Variants in ZBTB38 observed in about 807,000 individuals in gnomAD.
ZBTB38 encodes zinc finger and BTB domain containing 38.
In ZBTB38, 20 loss-of-function variants were observed where a neutral mutation model predicts 76.8. The ratio of observed to expected loss-of-function variants is 0.26; its 90% CI spans 0.18 to 0.38. ZBTB38 has a LOEUF of 0.38. Among genes scored for constraint, ZBTB38 ranks in the 10% least tolerant of loss-of-function variants. ZBTB38 has a pLI of 1.00. For missense variants in ZBTB38, 1,082 were observed against 1,482.3 expected, an observed-to-expected ratio of 0.73 and a Z score of 4.43; for synonymous variants, 504 against 544.2, an observed-to-expected ratio of 0.93 and a Z score of 1.03.
intron 2 of ZBTB38, among the ~76,000 whole-genome samples, chr3:141,380,604 A>G (rs1946069508): frequency 6.6e-6 from 1 of 152,212 alleles, no homozygotes; most frequent in Admixed American, 6.5e-5. Flanking sequence ...GAGCCTCTCC[A>G]TGGTGTTAGG....
At position 141,443,337 on chromosome 3, in the gene ZBTB38, C is replaced by T. The variant is rs142120837; in HGVS notation, c.949C>T (p.His317Tyr). 190 of 1,614,190 alleles carry T rather than the reference C, an allele frequency of 1.2e-4. No individual in the cohort carries two copies. The African/African-American group carries it at 2.2e-3, about 19-fold the overall frequency. Residue 317 changes from histidine (H) to tyrosine (Y), a missense_variant, in exon 6 of 6, where the codon CAT (histidine) becomes TAT (tyrosine). His to Tyr is a moderately conservative substitution (Grantham distance 83, BLOSUM62 2). Around this residue, in one of 8 missense-constraint regions of ZBTB38, gnomAD observed 324 missense variants for 359.1 expected, o/e 0.90. Coordinates refer to ENST00000321464, the MANE Select transcript of ZBTB38 (RefSeq NM_001376113.1). The surrounding 1 kb of genome is among the most constrained non-coding windows in gnomAD (Gnocchi z 5.6). ...SKSPNNEGDV[H>Y]FSREDENQSS... is the part of the protein sequence containing the mutation. ...ATCTCCAAACAATGAAGGAGATGTC[C>T]ATTTTTCCAGGGAAGATGAAAATCA...
chr3:141,346,337 C>T (rs1472404437), intron 1 of ZBTB38, among the ~76,000 whole-genome samples: 1 of 152,168 alleles, frequency 6.6e-6, no homozygotes. Flanking sequence ...ATAACCTTGA[C>T]GCTGGAGTGA....
chr3:141,433,016 T>G (rs2077950563), intron 5 of ZBTB38, among the ~76,000 whole-genome samples: 1 of 152,164 alleles, frequency 6.6e-6, no homozygotes, highest in Non-Finnish European at 1.5e-5. Flanking sequence ...GGACTGTTGG[T>G]CCGCCTGGTT....
At chr3:141,340,954 G>GAAAAGAAAAGAAAAGAAAAGAAAAGA (rs375341315) in intron 1 of ZBTB38, among the ~76,000 whole-genome samples, 23 of 53,474 alleles carry the variant, frequency 4.3e-4, no homozygotes, top group South Asian at 1.7e-3. Flanking sequence ...AAGAAGGAAA[G>GAAAAGAAAAGAAAAGAAAAGAAAAGA]AAAGAAAGAA....
At chr3:141,348,513 C>T (rs952515065) in intron 1 of ZBTB38, among the ~76,000 whole-genome samples, 1 of 152,212 alleles carries the variant, frequency 6.6e-6, no homozygotes, top group Admixed American at 6.5e-5. Context: ...CTCTCTCCTG[C>T]TGACTGCAAA....
Position 141,445,805 on chromosome 3 carries a change from C to T in ZBTB38, c.3417C>T (p.Ala1139=). Residue 1139 remains alanine (A), a synonymous_variant, in exon 6 of 6, where the codon GCC becomes GCT. Transcript: ENST00000321464. The surrounding 1 kb of genome is among the most constrained non-coding windows in gnomAD (Gnocchi z 6.5). ...CCAAAATTTGCAAAACAGCTGCTGCCCTTGGAATGCACCAAAAGAAACACT... is the reference window on the plus strand; with the variant it reads ...CCAAAATTTGCAAAACAGCTGCTGCTCTTGGAATGCACCAAAAGAAACACT... ...QCPKICKTAA[A]LGMHQKKHLF... 1 of 1,614,196 alleles carries T rather than the reference C, an allele frequency of 6.2e-7. No individual in the cohort carries two copies. Among genetic ancestry groups the T allele is most frequent in the Middle Eastern group, 1.6e-4 (1 of 6,062 alleles).
At position 141,448,571 on chromosome 3, in the gene ZBTB38, G is replaced by A. The variant is rs2081271052; in HGVS notation, c.*2595G>A. On this transcript the variant is annotated 3_prime_UTR_variant, in exon 6 of 6. Coordinates refer to ENST00000321464, the MANE Select transcript of ZBTB38 (RefSeq NM_001376113.1). ...TGTACAAGATATAATGTAACTTGCT[G>A]TTTTAGCATCTGTATTTTGGTTAGA... 1 of 152,376 alleles carries A rather than the reference G, an allele frequency of 6.6e-6. No individual in the cohort carries two copies. The highest frequency in any genetic ancestry group is 1.5e-5 in the Non-Finnish European group (1 of 68,010). 9.4% of individuals were successfully genotyped at this position (152,376 alleles called of 1,614,324 possible). A position where few individuals can be genotyped will look rare whatever the true frequency, so the allele number is the denominator to read the frequency against.
intron 5 of ZBTB38, among the ~76,000 whole-genome samples, chr3:141,429,658 G>A (rs558871862): frequency 3.9e-5 from 6 of 152,366 alleles, no homozygotes; most frequent in Admixed American, 3.9e-4. Context: ...ATAATTGCAG[G>A]TTGAGGTAAG....
intron 5 of ZBTB38, among the ~76,000 whole-genome samples, chr3:141,420,762 G>A (rs187092302): frequency 2.0e-5 from 3 of 152,102 alleles, no homozygotes; most frequent in South Asian, 2.1e-4. Flanking sequence ...AGTCATCACC[G>A]TCCTGAACTT....
rs149985245 is a variant in ZBTB38 at position 141,369,647 on chromosome 3, C to T, written c.-309-225C>T. ...CAGCATCTAGTCTTCGTATAGCTGA[C>T]GTACCAGGGGAGATCTGTTCTTCAG... On this transcript the variant is annotated intron_variant, in intron 1 of 5. Coordinates refer to ENST00000321464, the MANE Select transcript of ZBTB38 (RefSeq NM_001376113.1). Among the ~76,000 whole-genome samples the T allele has an allele frequency of 2.5e-3, 378 of 152,256 alleles. 1 individual carries two copies. The highest frequency in any genetic ancestry group is 8.7e-3 in the African/African-American group (360 of 41,540).
chr3:141,430,776 T>C (rs1201790048), intron 5 of ZBTB38, among the ~76,000 whole-genome samples: 1 of 152,142 alleles, frequency 6.6e-6, no homozygotes, highest in Non-Finnish European at 1.5e-5. Flanking sequence ...TCACTCTTCT[T>C]CAGAAGCCAG....
intron 5 of ZBTB38, among the ~76,000 whole-genome samples, chr3:141,414,349 C>T (rs368400862): frequency 5.3e-5 from 8 of 152,218 alleles, no homozygotes; most frequent in East Asian, 3.8e-4. Context: ...TCCGAATTCC[C>T]TCAGTGGCAA....
At chr3:141,364,841 A>T (rs750031972), upstream of ZBTB38, among the ~76,000 whole-genome samples, 2 of 152,164 alleles carry the variant, frequency 1.3e-5, no homozygotes, top group Non-Finnish European at 2.9e-5. Flanking sequence ...TCACAATGAG[A>T]TATCACATTG....
In ZBTB38 at chr3:141,445,680, T is replaced by TTC; in HGVS notation, c.3294_3295dup (p.Cys1099SerfsTer61). The TTC allele has an allele frequency of 6.2e-7, 1 of 1,614,216 alleles. No individual in the cohort carries two copies. Among genetic ancestry groups the TTC allele is most frequent in the Non-Finnish European group, 8.5e-7 (1 of 1,180,032 alleles). ...TGGAGAAAAGCGTTACCACTGTCAG[T>TTC]TCTGCTTTCAGAGATTTTTGTATCT... On this transcript the variant is annotated frameshift_variant, in exon 6 of 6. Coordinates refer to ENST00000321464, the MANE Select transcript of ZBTB38 (RefSeq NM_001376113.1). LOFTEE classifies it high-confidence loss of function. The surrounding 1 kb of genome is among the most constrained non-coding windows in gnomAD (Gnocchi z 6.5).
At chr3:141,412,746 C>G (rs1398105679) in intron 5 of ZBTB38, among the ~76,000 whole-genome samples, 1 of 152,074 alleles carries the variant, frequency 6.6e-6, no homozygotes, top group Non-Finnish European at 1.5e-5. Context: ...TTGGCAACAG[C>G]TCACTGGAAC....
intron 2 of ZBTB38, among the ~76,000 whole-genome samples, chr3:141,377,614 G>T (rs1430778766): frequency 6.6e-6 from 1 of 152,168 alleles, no homozygotes; most frequent in Non-Finnish European, 1.5e-5. Flanking sequence ...ATTTACACAA[G>T]AGAAATGAAA....
chr3:141,423,849 G>A (rs6440006), intron 5 of ZBTB38, among the ~76,000 whole-genome samples: 81,855 of 152,042 alleles, frequency 0.54, 24,632 homozygotes, highest in African/African-American at 0.83. Context: ...AAACACCAAA[G>A]TATTCTCTAA....
chr3:141,348,891 G>A (rs1410171137), intron 1 of ZBTB38, among the ~76,000 whole-genome samples: 1 of 152,134 alleles, frequency 6.6e-6, no homozygotes, highest in African/African-American at 2.4e-5. Flanking sequence ...AGGGTAAACA[G>A]TGGATGGAGA....
intron 1 of ZBTB38, among the ~76,000 whole-genome samples, chr3:141,346,030 A>G (rs1298674761): frequency 1.3e-5 from 2 of 152,238 alleles, no homozygotes; most frequent in East Asian, 3.9e-4. Context: ...CTGGAATAAT[A>G]CCTACTGGGC....
Sources: gnomAD v4.1 joint callset for allele counts (sites outside exome capture counted in the v4.1 genomes callset) on GRCh38, gnomAD v4.1.1 for gene constraint, gnomAD v4.1.1 regional missense constraint, Gnocchi (gnomAD v3.1) non-coding constraint, MANE v1.5 for transcripts, NCBI Gene and HGNC (gene_info 2026-07-23, HGNC 2026-07-21) for gene names.